Variants in KTN1 observed in about 807,000 individuals in gnomAD.
KTN1 encodes the protein kinectin 1, also known as kinectin.
A neutral mutation model predicts 222.5 loss-of-function variants in KTN1; 130 were observed. The ratio of observed to expected loss-of-function variants is 0.58; its 90% CI spans 0.51 to 0.68. KTN1 has a LOEUF of 0.68. Among genes scored for constraint, KTN1 ranks in the 30% least tolerant of loss-of-function variants. KTN1 has a pLI of 0.00. For missense variants in KTN1, 1,508 were observed against 1,500.4 expected (o/e 1.01, Z -0.08); for synonymous variants, 512 against 496.3 (o/e 1.03, Z -0.42).
At chr14:55,595,325 TTCAA>T (rs2034843324) in intron 1 of KTN1, among the ~76,000 whole-genome samples, 1 of 152,232 alleles carries the variant, frequency 6.6e-6, no homozygotes. Context: ...AGTGGTAATT[TTCAA>T]GAGCCATTTT....
Position 55,635,254 on chromosome 14 carries a change from G to A in KTN1, c.1461+596G>A, listed in dbSNP as rs373692413. ...AAGTTAAAGACCGTTTGAAGATATG[G>A]TAAATGATGTTAGCTGATTGACAGA... On this transcript the variant is annotated intron_variant, in intron 9 of 43. Transcript: ENST00000395314. Among the ~76,000 whole-genome samples the A allele has an allele frequency of 2.0e-5, 3 of 152,258 alleles. No individual in the cohort carries two copies. The South Asian group carries it at 6.2e-4, about 32-fold the overall frequency.
intron 31 of KTN1, among the ~76,000 whole-genome samples, chr14:55,660,312 G>T (rs779495300): frequency 2.0e-5 from 3 of 150,296 alleles, no homozygotes; most frequent in South Asian, 2.1e-4. Context: ...CAGGAAGTTC[G>T]CACCATTGCA....
At chr14:55,647,246 G>A (rs1465653460) in intron 19 of KTN1, among the ~76,000 whole-genome samples, 3 of 152,180 alleles carry the variant, frequency 2.0e-5, no homozygotes, top group Non-Finnish European at 2.9e-5. Context: ...AGTATCCTCA[G>A]ACCATGATCA....
intron 41 of KTN1, among the ~76,000 whole-genome samples, chr14:55,677,375 G>A (rs1444274879): frequency 1.3e-5 from 2 of 151,722 alleles, no homozygotes; most frequent in Non-Finnish European, 1.5e-5. Context: ...TACTCAGGAG[G>A]CTGAGGCAGA....
chr14:55,640,126 C>A, intron 14 of KTN1, 123 bp downstream of exon 14: 1 of 712,348 alleles, frequency 1.4e-6, no homozygotes, highest in Non-Finnish European at 2.4e-6. Context: ...TTTGAAATAA[C>A]TGTTTTTCTA....
rs139871872 is a variant in KTN1 at position 55,641,764 on chromosome 14, A to T, written c.2172+4A>T. 165 of 1,534,106 alleles carry T rather than the reference A, an allele frequency of 1.1e-4. No homozygotes were observed. The African/African-American group carries it at 2.1e-3, about 20-fold the overall frequency. On this transcript the variant is annotated splice_donor_region_variant and intron_variant, in intron 18 of 43. Transcript: ENST00000395314. Reference sequence around the variant, plus strand: ...ACAGACTCTTGTTTCTGAACAGGTAAGGCTTTTCCTAAATTACAAAGTAGA... The same window carrying T: ...ACAGACTCTTGTTTCTGAACAGGTATGGCTTTTCCTAAATTACAAAGTAGA...
chr14:55,619,460 A>G (rs1381347243), intron 5 of KTN1, 148 bp downstream of exon 5: 1 of 721,748 alleles, frequency 1.4e-6, no homozygotes, highest in East Asian at 2.5e-5. Flanking sequence ...TACTTTATAT[A>G]TCGTATTAGT....
At chr14:55,672,553 T>C in intron 37 of KTN1, 77 bp from the exon 38 acceptor site, 1 of 843,964 alleles carries the variant, frequency 1.2e-6, no homozygotes, top group Non-Finnish European at 1.9e-6. Flanking sequence ...GTCTTTTAAT[T>C]GATCAGAATT....
In KTN1 at chr14:55,630,080, C is replaced by G. The variant is rs1354946663; in HGVS notation, c.1204C>G (p.Gln402Glu). The G allele has an allele frequency of 1.2e-6, 2 of 1,610,374 alleles. No homozygotes were observed. The highest frequency in any genetic ancestry group is 2.2e-5 in the East Asian group (1 of 44,792). ...AATACATGTCAGTTATCAAGAGACT[C>G]AACAGATGCAGATGAAGGTATATTT... ...NKIHVSYQET[Q>E]QMQMKFQQVR... The change falls in exon 7 of 44, where the codon CAA (glutamine) becomes GAA (glutamate). Residue 402 changes from glutamine (Q) to glutamate (E), a missense_variant. Physicochemically the swap from Gln to Glu is conservative, Grantham distance 29. Transcript: ENST00000395314.
At chr14:55,648,733 A>C in intron 20 of KTN1, 69 bp from the exon 21 acceptor site, 1 of 992,970 alleles carries the variant, frequency 1.0e-6, no homozygotes, top group Non-Finnish European at 1.6e-6. Context: ...TGAGAAACTA[A>C]TGTATTTTGA....
intron 1 of KTN1, among the ~76,000 whole-genome samples, chr14:55,587,453 T>C (rs1211131730): frequency 6.6e-6 from 1 of 152,186 alleles, no homozygotes; most frequent in African/African-American, 2.4e-5. Flanking sequence ...TGTGTTTAGA[T>C]CTAATTACCT....
intron 13 of KTN1, among the ~76,000 whole-genome samples, chr14:55,639,636 A>G (rs976503506): frequency 6.6e-6 from 1 of 151,750 alleles, no homozygotes; most frequent in Non-Finnish European, 1.5e-5. Flanking sequence ...TTTTGCATGG[A>G]CACTGATCAC....
chr14:55,604,936 C>T (rs1190124232), intron 1 of KTN1, among the ~76,000 whole-genome samples: 3 of 152,172 alleles, frequency 2.0e-5, no homozygotes, highest in Non-Finnish European at 4.4e-5. Context: ...TAGCCTCTTA[C>T]TGCTGATTTT....
intron 18 of KTN1, among the ~76,000 whole-genome samples, chr14:55,642,158 AC>A (rs2041869716): frequency 6.6e-6 from 1 of 152,134 alleles, no homozygotes; most frequent in Non-Finnish European, 1.5e-5. Flanking sequence ...AAATAGCTTA[AC>A]CTTTGTGACA....
At chr14:55,595,131 G>C (rs926311604) in intron 1 of KTN1, among the ~76,000 whole-genome samples, 3 of 152,172 alleles carry the variant, frequency 2.0e-5, no homozygotes, top group Non-Finnish European at 4.4e-5. Flanking sequence ...AGCATATCTA[G>C]GTTCATCCAG....
chr14:55,636,416 T>G, intron 9 of KTN1, 33 bp from the exon 10 acceptor site: 2 of 1,500,918 alleles, frequency 1.3e-6, no homozygotes, highest in Non-Finnish European at 1.8e-6. Flanking sequence ...GTGTTTGTGC[T>G]AATTTATCCT....
chr14:55,580,300 G>T lies in KTN1; in HGVS notation c.-85G>T, dbSNP rs934105556. ...GCGGCGCCTCGGAGCGGGCGGCCCG[G>T]GCTGTAGTGCCGGCGCCGCCGCGTC... is the stretch of plus-strand genomic sequence containing the variant. On this transcript the variant is annotated 5_prime_UTR_variant, in exon 1 of 44. Coordinates refer to ENST00000395314, the MANE Select transcript of KTN1 (RefSeq NM_001079521.2). 2.6e-5 allele frequency: 4 copies of T among 151,988 alleles called. No homozygotes were observed. Among genetic ancestry groups the T allele is most frequent in the Admixed American group, 6.7e-5 (1 of 14,898 alleles). The allele number at this position is 151,988 out of a possible 1,614,324, so 9.4% of individuals were successfully genotyped here. A position where few individuals can be genotyped will look rare whatever the true frequency, so the allele number is the denominator to read the frequency against.
Position 55,619,312 on chromosome 14 carries a change from G to C in KTN1, c.963G>C (p.Lys321Asn), listed in dbSNP as rs767701295. 2.5e-6 allele frequency: 4 copies of C among 1,612,784 alleles called. No homozygotes were observed. In the East Asian group the frequency reaches 8.9e-5, roughly 36 times the overall value. The change falls in exon 5 of 44, where the codon AAG becomes AAC. Residue 321 changes from lysine (K) to asparagine (N), a missense_variant and splice_region_variant. Coordinates refer to ENST00000395314, the MANE Select transcript of KTN1 (RefSeq NM_001079521.2). ...KSGVIQDALK[K>N]SSKGELTTLI... is the part of the protein sequence containing the mutation. ...GTGTAATACAAGATGCTTTAAAGAA[G>C]GTAAGCGTGTTTTTTGATTATGGGC... is the stretch of plus-strand genomic sequence containing the variant.
intron 1 of KTN1, among the ~76,000 whole-genome samples, chr14:55,608,774 C>T (rs995135497): frequency 2.6e-5 from 4 of 151,816 alleles, no homozygotes; most frequent in Non-Finnish European, 5.9e-5. Flanking sequence ...GGATTACAGG[C>T]GCGTACCACC....
Sources: allele counts gnomAD v4.1 joint callset (sites outside exome capture counted in the v4.1 genomes callset), GRCh38; gene constraint gnomAD v4.1.1; transcripts MANE v1.5; gene names NCBI Gene and HGNC (gene_info 2026-07-23, HGNC 2026-07-21).